Variants in DLGAP2 observed in about 807,000 individuals in gnomAD.
DLGAP2 encodes disks large-associated protein 2.
DLGAP2 carries 26 observed loss-of-function variants against 100.3 expected under a neutral mutation model. The observed-to-expected ratio is 0.26, with a 90% CI of 0.19 to 0.36. The LOEUF is 0.36. Ranked by LOEUF, DLGAP2 falls within the 10% of genes least tolerant of loss-of-function variation. The pLI is 1.00. For synonymous variants in DLGAP2, 886 were observed against 630.1 expected (o/e 1.41, Z -6.08); for missense variants, 1,858 against 1,453.2 (o/e 1.28, Z -4.53).
At chr8:1,230,292 T>G (rs973222175) in intron 2 of DLGAP2, among the ~76,000 whole-genome samples, 6 of 152,148 alleles carry the variant, frequency 3.9e-5, no homozygotes, top group Admixed American at 2.0e-4. Context: ...AAATACCTAG[T>G]AATACATCTA....
At chr8:1,038,352 C>G (rs1321085058) in intron 2 of DLGAP2, among the ~76,000 whole-genome samples, 1 of 152,146 alleles carries the variant, frequency 6.6e-6, no homozygotes, top group Non-Finnish European at 1.5e-5. Context: ...GTGGGAGCCT[C>G]TGTGTGATTG....
At chr8:1,068,650 A>G (rs1020636035) in intron 2 of DLGAP2, among the ~76,000 whole-genome samples, 2 of 151,986 alleles carry the variant, frequency 1.3e-5, no homozygotes, top group Non-Finnish European at 2.9e-5. Context: ...GGGAACAAGG[A>G]CGGAGGGAGG....
chr8:1,604,688 C>A (rs553171124), intron 6 of DLGAP2: 1 of 152,244 alleles, frequency 6.6e-6, no homozygotes, highest in East Asian at 1.9e-4. Flanking sequence ...GACTGTGATC[C>A]AGATTGGGAT....
At chr8:1,507,233 C>CCG (rs1282195851) in intron 4 of DLGAP2, among the ~76,000 whole-genome samples, 2 of 152,336 alleles carry the variant, frequency 1.3e-5, no homozygotes, top group South Asian at 2.1e-4. Context: ...GAGGCTTGGG[C>CCG]CGCGCGGGAG....
In DLGAP2 at chr8:1,703,221, C is replaced by G. The variant is rs1585080897; in HGVS notation, c.*1815C>G. The G allele has an allele frequency of 6.6e-6, 1 of 152,152 alleles. No homozygotes were observed. Among genetic ancestry groups the G allele is most frequent in the East Asian group, 1.9e-4 (1 of 5,172 alleles). The allele number at this position is 152,152 out of a possible 1,614,324, so 9.4% of individuals were successfully genotyped here. A position where few individuals can be genotyped will look rare whatever the true frequency, so the allele number is the denominator to read the frequency against. On this transcript the variant is annotated 3_prime_UTR_variant, in exon 15 of 15. Coordinates refer to ENST00000637795, the MANE Select transcript of DLGAP2 (RefSeq NM_001346810.2). ...AAACCCTGTAAATTGAGCCTCATGT[C>G]TGGTATATATTTTACCAAACAGCCT...
chr8:795,638 A>AGTGAGAGCAGGCGTCCG (rs1796010624), intron 1 of DLGAP2, among the ~76,000 whole-genome samples: 1 of 131,930 alleles, frequency 7.6e-6, no homozygotes. Context: ...GCAGGCGTCC[A>AGTGAGAGCAGGCGTCCG]GTGAGAGCAG....
chr8:1,021,879 C>T (rs1422925376), intron 2 of DLGAP2, among the ~76,000 whole-genome samples: 1 of 152,172 alleles, frequency 6.6e-6, no homozygotes, highest in Non-Finnish European at 1.5e-5. Context: ...TGGGCTTCTC[C>T]TCTTGTTTGT....
intron 1 of DLGAP2, among the ~76,000 whole-genome samples, chr8:898,454 C>T (rs897943557): frequency 6.6e-6 from 1 of 152,234 alleles, no homozygotes; most frequent in Non-Finnish European, 1.5e-5. Context: ...TACTGAGACG[C>T]TTCATCCGCA....
At chr8:1,273,578 C>T (rs922412772) in intron 3 of DLGAP2, among the ~76,000 whole-genome samples, 4 of 152,316 alleles carry the variant, frequency 2.6e-5, no homozygotes, top group Non-Finnish European at 4.4e-5. Context: ...CGTGCCGTGA[C>T]GGCTTTATCA....
At chr8:1,179,804 G>A (rs951917815) in intron 2 of DLGAP2, among the ~76,000 whole-genome samples, 5 of 152,096 alleles carry the variant, frequency 3.3e-5, no homozygotes, top group Non-Finnish European at 5.9e-5. Context: ...TAGGGTTCAC[G>A]GCATACCCTT....
At chr8:1,462,650 G>A (rs967638940) in intron 3 of DLGAP2, among the ~76,000 whole-genome samples, 5 of 152,188 alleles carry the variant, frequency 3.3e-5, no homozygotes, top group African/African-American at 9.7e-5. Context: ...CGGTCATCCT[G>A]CAGTAGCTCA....
intron 2 of DLGAP2, among the ~76,000 whole-genome samples, chr8:1,081,337 T>C (rs1803801243): frequency 6.6e-6 from 1 of 152,216 alleles, no homozygotes; most frequent in Non-Finnish European, 1.5e-5. Flanking sequence ...AATAATAAGA[T>C]ACATAAGAAA....
intron 3 of DLGAP2, among the ~76,000 whole-genome samples, chr8:1,332,171 G>A (rs996996129): frequency 5.9e-5 from 9 of 152,116 alleles, no homozygotes; most frequent in Non-Finnish European, 1.2e-4. Flanking sequence ...GTGTGTGTGC[G>A]AATGTGAGCG....
intron 2 of DLGAP2, among the ~76,000 whole-genome samples, chr8:973,814 G>C (rs773819227): frequency 1.8e-3 from 276 of 151,418 alleles, no homozygotes; most frequent in Non-Finnish European, 3.0e-3. Flanking sequence ...GCTCGGGCCC[G>C]TGGCCCCGCG....
intron 5 of DLGAP2, among the ~76,000 whole-genome samples, chr8:1,557,540 G>A (rs1802007197): frequency 6.6e-6 from 1 of 152,124 alleles, no homozygotes; most frequent in Non-Finnish European, 1.5e-5. Context: ...CCGCACCGAG[G>A]CAAGGAGTGG....
intron 1 of DLGAP2, among the ~76,000 whole-genome samples, chr8:860,169 G>A (rs1478731398): frequency 6.6e-6 from 1 of 152,142 alleles, no homozygotes; most frequent in Non-Finnish European, 1.5e-5. Flanking sequence ...GGAGCTTTCC[G>A]TACTTCTTGT....
In DLGAP2 at chr8:1,460,889, T is replaced by C. The variant is rs114073423; in HGVS notation, c.107-40477T>C. On this transcript the variant is annotated intron_variant, in intron 3 of 14. Coordinates refer to ENST00000637795, the MANE Select transcript of DLGAP2 (RefSeq NM_001346810.2). ...TTATTCAGTATAATTTCCACACAAG[T>C]CTTTGGGTCGGTAGGGATCAGAAAG... is the stretch of plus-strand genomic sequence containing the variant. Among the ~76,000 whole-genome samples the C allele has an allele frequency of 6.5e-3, 986 of 152,248 alleles. 12 individuals are homozygous for C. Among genetic ancestry groups the C allele is most frequent in the African/African-American group, 0.022 (933 of 41,528 alleles).
At chr8:833,195 C>T (rs981881295) in intron 1 of DLGAP2, among the ~76,000 whole-genome samples, 1 of 152,202 alleles carries the variant, frequency 6.6e-6, no homozygotes, top group African/African-American at 2.4e-5. Context: ...GGTGACATCA[C>T]CCAATTATTC....
chr8:863,234 C>A (rs1797426577), intron 1 of DLGAP2, among the ~76,000 whole-genome samples: 1 of 152,162 alleles, frequency 6.6e-6, no homozygotes, highest in South Asian at 2.1e-4. Context: ...AAATTGGGGT[C>A]TGGACATGCT....
Sources: allele counts gnomAD v4.1 joint callset (sites outside exome capture counted in the v4.1 genomes callset), GRCh38; gene constraint gnomAD v4.1.1; transcripts MANE v1.5; gene names NCBI Gene and HGNC (gene_info 2026-07-23, HGNC 2026-07-21).